RTEL1: variants seen among roughly 807,000 people sequenced by gnomAD.
The protein encoded by RTEL1 is regulator of telomere elongation helicase 1.
A neutral mutation model predicts 162.2 loss-of-function variants in RTEL1; 86 were observed. The ratio of observed to expected loss-of-function variants is 0.53; its 90% CI spans 0.45 to 0.63. The LOEUF (loss-of-function observed/expected upper bound fraction) is 0.63, where lower values mean the gene tolerates loss of function less well. Among genes scored for constraint, RTEL1 ranks in the 30% least tolerant of loss-of-function variants. The probability of loss-of-function intolerance (pLI) is 0.00; values close to 1 mark genes in which losing one functional copy is unlikely to be tolerated. For missense variants in RTEL1, 1,941 were observed against 1,750.2 expected (o/e 1.11, Z -1.95); for synonymous variants, 958 against 717.9 (o/e 1.33, Z -5.35).
chr20:63,691,709 TCTGTGTGTGGTTGTGAG>T lies in RTEL1; in HGVS notation c.2557-26_2557-10del, dbSNP rs909213282. On this transcript the variant is annotated splice_polypyrimidine_tract_variant and intron_variant, in intron 27 of 34. Coordinates refer to ENST00000360203, the MANE Select transcript of RTEL1 (RefSeq NM_001283009.2). ...GGGACCCCAGAGTGTGTGGTTGGGG[TCTGTGTGTGGTTGTGAG>T]CTGTGTCCTCCTCAGGCCCACAGCT... 5.1e-6 allele frequency: 8 copies of T among 1,575,760 alleles called. No individual in the cohort carries two copies. Among genetic ancestry groups the T allele is most frequent in the Middle Eastern group, 1.7e-4 (1 of 5,996 alleles).
chr20:63,680,810 G>C (rs1417032338), intron 14 of RTEL1, 91 bp downstream of exon 14: 60 of 1,575,798 alleles, frequency 3.8e-5, no homozygotes, highest in Non-Finnish European at 5.0e-5. Context: ...TTCTAGACTT[G>C]GGGATGGGAG....
intron 10 of RTEL1, among the ~76,000 whole-genome samples, chr20:63,676,423 A>G (rs76832249): frequency 0.057 from 8,730 of 152,148 alleles, 347 homozygotes; most frequent in Non-Finnish European, 0.086. Context: ...TCCAGATGGG[A>G]CGTCCTTTCT....
In RTEL1 at chr20:63,694,938, ACCACTGCAAAGCCAGAGGACTTCCC is replaced by A; in HGVS notation, c.3310_3334del (p.Thr1104CysfsTer24). The stretch of plus-strand genomic sequence containing the variant: ...GGTGCTGGCTGTGTTGGCCGCCCTG[ACCACTGCAAAGCCAGAGGACTTCCC>A]CCTGCTGCACAGCAAGTGGCCCTGG... On this transcript the variant is annotated frameshift_variant, in exon 32 of 35. Coordinates refer to ENST00000360203, the MANE Select transcript of RTEL1 (RefSeq NM_001283009.2). LOFTEE classifies it high-confidence loss of function. The A allele has an allele frequency of 6.2e-7, 1 of 1,612,378 alleles. No individual in the cohort carries two copies. The highest frequency in any genetic ancestry group is 8.5e-7 in the Non-Finnish European group (1 of 1,179,802).
intron 30 of RTEL1, among the ~76,000 whole-genome samples, chr20:63,693,543 ACCACCACCACCT>A (rs1568720756): frequency 9.2e-4 from 20 of 21,622 alleles, no homozygotes; most frequent in South Asian, 4.7e-3. Context: ...CACCACCACC[ACCACCACCACCT>A]CCACCTCCAC....
intron 14 of RTEL1, chr20:63,681,769 G>C: frequency 1.0e-6 from 1 of 985,346 alleles, no homozygotes; most frequent in Non-Finnish European, 1.2e-6. Flanking sequence ...CCGTCTCTGT[G>C]GCCAGTGACG....
chr20:63,668,201 T>TGCTTTTGTGCCCC lies in RTEL1; in HGVS notation c.699+649_699+661dup, dbSNP rs1188505403. On this transcript the variant is annotated intron_variant, in intron 8 of 34. Transcript: ENST00000360203. The surrounding 1 kb of genome is among the most constrained non-coding windows in gnomAD (Gnocchi z 4.3). ...CTGCTGCCCTCCTCCCCATGTGCCC[T>TGCTTTTGTGCCCC]GCTTTTGTGCCCCACACTTTTTACT... 6.6e-6 allele frequency among the ~76,000 whole-genome samples: 1 copy of TGCTTTTGTGCCCC among 152,178 alleles called. No individual in the cohort carries two copies. The highest frequency in any genetic ancestry group is 1.5e-5 in the Non-Finnish European group (1 of 68,038).
chr20:63,682,122 C>T lies in RTEL1; in HGVS notation c.1191+1403C>T, dbSNP rs772311436. ...CCTCCCTGGAATACAGCTTCCCAGGCTCCCACTTATGGAGAAGTCTCCTCC... is the reference window on the plus strand; with the variant it reads ...CCTCCCTGGAATACAGCTTCCCAGGTTCCCACTTATGGAGAAGTCTCCTCC... On this transcript the variant is annotated intron_variant, in intron 14 of 34. Transcript: ENST00000360203. The T allele has an allele frequency of 1.9e-5, 19 of 985,352 alleles. No homozygotes were observed. In the African/African-American group the frequency reaches 3.0e-4, roughly 15 times the overall value. The allele number at this position is 985,352 out of a possible 1,614,324, so 61.0% of individuals were successfully genotyped here.
At position 63,661,415 on chromosome 20, in the gene RTEL1, G is replaced by T; in HGVS notation, c.220G>T (p.Glu74Ter). 1 of 1,613,908 alleles carries T rather than the reference G, an allele frequency of 6.2e-7. No homozygotes were observed. The highest frequency in any genetic ancestry group is 2.2e-5 in the East Asian group (1 of 44,874). Residue 74 changes from glutamate (E) to a stop codon, truncating the protein, a stop_gained, in exon 3 of 35, where the codon GAG (glutamate) becomes TAG (stop). Coordinates refer to ENST00000360203, the MANE Select transcript of RTEL1 (RefSeq NM_001283009.2). LOFTEE classifies it high-confidence loss of function. This position sits in a 1 kb window ranked among gnomAD's most constrained non-coding sequence, Gnocchi z 5.1. ...RDGISARKIAERAQGELFPDR... is the reference protein window; with the variant it reads ...RDGISARKIA ...CGGCATCTCTGCCCGCAAGATTGCCGAGAGGGCGCAAGGAGAGCTTTTCCC... is the reference window on the plus strand; with the variant it reads ...CGGCATCTCTGCCCGCAAGATTGCCTAGAGGGCGCAAGGAGAGCTTTTCCC...
chr20:63,661,407 A>G lies in RTEL1; in HGVS notation c.212A>G (p.Lys71Arg), dbSNP rs1162735483. The G allele has an allele frequency of 6.2e-7, 1 of 1,613,784 alleles. No homozygotes were observed. Among genetic ancestry groups the G allele is most frequent in the African/African-American group, 1.3e-5 (1 of 74,912 alleles). ...EHLRDGISAR[K>R]IAERAQGELF... Reference sequence around the variant, plus strand: ...CTCCGAGACGGCATCTCTGCCCGCAAGATTGCCGAGAGGGCGCAAGGAGAG... The same window carrying G: ...CTCCGAGACGGCATCTCTGCCCGCAGGATTGCCGAGAGGGCGCAAGGAGAG... Residue 71 changes from lysine to arginine, a missense_variant, in exon 3 of 35, where the codon AAG becomes AGG. Transcript: ENST00000360203. This position sits in a 1 kb window ranked among gnomAD's most constrained non-coding sequence, Gnocchi z 5.1.
intron 14 of RTEL1, chr20:63,682,711 C>CA (rs1164102689): frequency 1.1e-5 from 11 of 985,174 alleles, no homozygotes; most frequent in Non-Finnish European, 1.3e-5. Context: ...AGCCCTGAGT[C>CA]ACAGGTGACC....
chr20:63,694,507 G>C lies in RTEL1; in HGVS notation c.3109+19G>C. On this transcript the variant is annotated intron_variant, in intron 31 of 34. Transcript: ENST00000360203. ...CCAACAGGTAGCTGACTCCTGAACC[G>C]TGTGCAGCCTACGACTTGGTGGGTC... 2 of 1,557,024 alleles carry C rather than the reference G, an allele frequency of 1.3e-6. No homozygotes were observed. The highest frequency in any genetic ancestry group is 1.4e-5 in the African/African-American group (1 of 73,786).
At chr20:63,689,724 C>A (rs199583107) in intron 23 of RTEL1, 26 bp from the exon 24 acceptor site, 3 of 1,607,726 alleles carry the variant, frequency 1.9e-6, no homozygotes, top group Non-Finnish European at 1.7e-6. Context: ...AGGGAGCCCC[C>A]GTGACCGAGC....
At position 63,694,472 on chromosome 20, in the gene RTEL1, C is replaced by G. The variant is rs756822666; in HGVS notation, c.3093C>G (p.Pro1031=). ...ACCAGGGCAGGCCCCACCTGTCGCC[C>G]AGGCCACCCCCAACAGGTAGCTGAC... is the stretch of plus-strand genomic sequence containing the variant. The part of the protein sequence containing the change: ...HLNQGRPHLS[P]RPPPTGDPGS... The change falls in exon 31 of 35, where the codon CCC becomes CCG. Residue 1031 remains proline, a synonymous_variant. Coordinates refer to ENST00000360203, the MANE Select transcript of RTEL1 (RefSeq NM_001283009.2). The G allele has an allele frequency of 6.2e-7, 1 of 1,600,302 alleles. No individual in the cohort carries two copies. Among genetic ancestry groups the G allele is most frequent in the South Asian group, 1.1e-5 (1 of 90,700 alleles).
At position 63,687,953 on chromosome 20, in the gene RTEL1, C is replaced by G; in HGVS notation, c.1498C>G (p.Leu500Val). The change falls in exon 18 of 35, where the codon CTG becomes GTG. Residue 500 changes from leucine (L) to valine (V), a missense_variant. By Grantham distance (32) the Leu-to-Val change is conservative. Coordinates refer to ENST00000360203, the MANE Select transcript of RTEL1 (RefSeq NM_001283009.2). Reference sequence around the variant, plus strand: ...CACGCTCAGCCCTTTCCCAGTCTGCCTGGAGAACCCACACATCATCGACAA... The same window carrying G: ...CACGCTCAGCCCTTTCCCAGTCTGCGTGGAGAACCCACACATCATCGACAA... ...LEMQIPFPVC[L>V]ENPHIIDKHQ... The G allele has an allele frequency of 6.2e-7, 1 of 1,612,678 alleles. No homozygotes were observed. Among genetic ancestry groups the G allele is most frequent in the Non-Finnish European group, 8.5e-7 (1 of 1,179,866 alleles).
intron 30 of RTEL1, 42 bp from the exon 31 acceptor site, chr20:63,694,330 G>A: frequency 1.3e-6 from 1 of 776,298 alleles, no homozygotes; most frequent in Non-Finnish European, 2.1e-6. Flanking sequence ...GAACTTTCCA[G>A]ATGCTCTCGA....
Position 63,690,171 on chromosome 20 carries a change from C to T in RTEL1, c.2226C>T (p.Ile742=), listed in dbSNP as rs2090699238. Residue 742 remains isoleucine (I), a synonymous_variant, in exon 25 of 35, where the codon ATC becomes ATT. Transcript: ENST00000360203. ...VRVYDNFGHV[I]RDVAQFFRVA... is the part of the protein sequence containing the mutation. ...TGTATGACAACTTTGGCCATGTCAT[C>T]CGAGACGTGGCCCAGTTCTTCCGTG... 2 of 1,612,448 alleles carry T rather than the reference C, an allele frequency of 1.2e-6. No homozygotes were observed. The highest frequency in any genetic ancestry group is 1.7e-6 in the Non-Finnish European group (2 of 1,179,830).
In RTEL1 at chr20:63,687,632, C is replaced by G; in HGVS notation, c.1349-6C>G. 6.2e-7 allele frequency: 1 copy of G among 1,603,710 alleles called. No homozygotes were observed. The highest frequency in any genetic ancestry group is 1.1e-5 in the South Asian group (1 of 90,160). Reference sequence around the variant, plus strand: ...TCTGTGCCCTCTGCCGCCCCCCGCCCCACAGGGAAGGTGCTGAGCTACTGG... The same window carrying G: ...TCTGTGCCCTCTGCCGCCCCCCGCCGCACAGGGAAGGTGCTGAGCTACTGG... On this transcript the variant is annotated splice_polypyrimidine_tract_variant and splice_region_variant and intron_variant, in intron 16 of 34. Transcript: ENST00000360203.
intron 10 of RTEL1, 111 bp downstream of exon 10, chr20:63,674,204 G>C: frequency 6.7e-7 from 1 of 1,486,718 alleles, no homozygotes; most frequent in Non-Finnish European, 8.9e-7. Context: ...TAGCCAGGCT[G>C]CTTGGTCCTG....
rs1407364310 is a variant in RTEL1 at position 63,661,344 on chromosome 20, T to C, written c.149T>C (p.Leu50Pro). ...LESPTGTGKT[L>P]CLLCTTLAWR... Reference sequence around the variant, plus strand: ...AGCCCTACGGGTACAGGGAAGACGCTGTGCCTGCTGTGCACCACGCTGGCC... The same window carrying C: ...AGCCCTACGGGTACAGGGAAGACGCCGTGCCTGCTGTGCACCACGCTGGCC... The change falls in exon 3 of 35, where the codon CTG (leucine) becomes CCG (proline). Residue 50 changes from leucine (L) to proline (P), a missense_variant. Leu to Pro is a moderately conservative substitution (Grantham distance 98, BLOSUM62 -3). Transcript: ENST00000360203. This position sits in a 1 kb window ranked among gnomAD's most constrained non-coding sequence, Gnocchi z 5.1. The C allele has an allele frequency of 6.2e-7, 1 of 1,613,220 alleles. No individual in the cohort carries two copies. Among genetic ancestry groups the C allele is most frequent in the African/African-American group, 1.3e-5 (1 of 75,048 alleles).
Sources: allele counts gnomAD v4.1 joint callset (sites outside exome capture counted in the v4.1 genomes callset), GRCh38; gene constraint gnomAD v4.1.1; non-coding constraint Gnocchi (gnomAD v3.1); transcripts MANE v1.5; gene names NCBI Gene and HGNC (gene_info 2026-07-23, HGNC 2026-07-21).